HHLA1: variants seen among roughly 807,000 people sequenced by gnomAD.
HHLA1 encodes HHLA1 neighbor of OC90.
A neutral mutation model predicts 69.9 loss-of-function variants in HHLA1; 72 were observed. The observed-to-expected ratio is 1.03, with a 90% CI of 0.85 to 1.25. The LOEUF is 1.25. Among genes scored for constraint, HHLA1 ranks in the 50% most tolerant of loss-of-function variants. HHLA1 has a pLI of 0.00. For synonymous variants in HHLA1, 252 were observed against 233.2 expected (o/e 1.08, Z -0.73); for missense variants, 685 against 642.2 (o/e 1.07, Z -0.72).
chr8:132,071,223 C>T (rs1823535325), intron 15 of HHLA1, 117 bp downstream of exon 15: 1 of 828,122 alleles, frequency 1.2e-6, no homozygotes. Flanking sequence ...GAGGTAACCC[C>T]TACTGCCTGT....
chr8:132,061,765 T>G lies in HHLA1; in HGVS notation c.*2230A>C, dbSNP rs1464159661. 6.6e-6 allele frequency: 1 copy of G among 152,258 alleles called. No individual in the cohort carries two copies. The highest frequency in any genetic ancestry group is 2.4e-5 in the African/African-American group (1 of 41,444). The allele number at this position is 152,258 out of a possible 1,614,324, so 9.4% of individuals were successfully genotyped here. A position where few individuals can be genotyped will look rare whatever the true frequency, so the allele number is the denominator to read the frequency against. ...TGGACTCCAGGCAGTCGTCAGCCAC[T>G]CCTGGGCCCTGTTTTCCTTCTGCCT... On this transcript the variant is annotated 3_prime_UTR_variant, in exon 17 of 17. Coordinates refer to ENST00000414222, the MANE Select transcript of HHLA1 (RefSeq NM_001145095.3).
intron 7 of HHLA1, among the ~76,000 whole-genome samples, chr8:132,093,108 T>G (rs557919990): frequency 1.3e-5 from 2 of 152,326 alleles, no homozygotes; most frequent in East Asian, 3.9e-4. Context: ...ATGTCTACAC[T>G]GATGGGTAGA....
chr8:132,107,462 G>A (rs1013271498), intron 1 of HHLA1, among the ~76,000 whole-genome samples: 6 of 152,024 alleles, frequency 3.9e-5, no homozygotes, highest in Admixed American at 1.3e-4. Flanking sequence ...CATCATGCCC[G>A]GCTAATTTTT....
At chr8:132,090,353 C>A (rs775208769) in intron 7 of HHLA1, among the ~76,000 whole-genome samples, 4 of 152,162 alleles carry the variant, frequency 2.6e-5, no homozygotes, top group Non-Finnish European at 5.9e-5. Context: ...CCAGCAAATT[C>A]TTGACTTCTA....
chr8:132,069,733 G>C (rs1823498733), intron 15 of HHLA1: 1 of 151,886 alleles, frequency 6.6e-6, no homozygotes, highest in South Asian at 2.1e-4. Flanking sequence ...TTGTGTTTAT[G>C]ACCATTTCTT....
intron 3 of HHLA1, among the ~76,000 whole-genome samples, chr8:132,100,419 G>C (rs190400455): frequency 1.6e-3 from 248 of 152,226 alleles, no homozygotes; most frequent in Non-Finnish European, 2.3e-3. Flanking sequence ...GGAAAACTGA[G>C]GCCCAGAGAG....
chr8:132,075,206 G>T (rs1823614948), intron 14 of HHLA1, among the ~76,000 whole-genome samples: 1 of 152,190 alleles, frequency 6.6e-6, no homozygotes, highest in Non-Finnish European at 1.5e-5. Flanking sequence ...GATCTAAGGT[G>T]ACATGAAAAA....
At chr8:132,100,955 G>A (rs1165921859) in intron 3 of HHLA1, among the ~76,000 whole-genome samples, 3 of 152,190 alleles carry the variant, frequency 2.0e-5, no homozygotes, top group Admixed American at 2.0e-4. Context: ...TACCTGGATG[G>A]AGAAGGTGCA....
chr8:132,097,071 G>A (rs1824037433), intron 5 of HHLA1, among the ~76,000 whole-genome samples: 1 of 152,144 alleles, frequency 6.6e-6, no homozygotes, highest in Non-Finnish European at 1.5e-5. Context: ...CACCAGTGGT[G>A]CCCATTCCCC....
chr8:132,069,380 GT>G (rs1202375520), intron 15 of HHLA1, among the ~76,000 whole-genome samples: 1 of 151,716 alleles, frequency 6.6e-6, no homozygotes, highest in Admixed American at 6.6e-5. Context: ...TTGTTTGTTT[GT>G]TTTTTATCAC....
intron 7 of HHLA1, among the ~76,000 whole-genome samples, chr8:132,090,904 G>A (rs1003714983): frequency 4.0e-5 from 6 of 151,838 alleles, no homozygotes; most frequent in East Asian, 3.9e-4. Context: ...GACTACAGGC[G>A]CCCGCCAACA....
intron 15 of HHLA1, among the ~76,000 whole-genome samples, chr8:132,070,532 A>T (rs781157457): frequency 1.7e-4 from 26 of 152,230 alleles, no homozygotes; most frequent in Non-Finnish European, 3.4e-4. Flanking sequence ...TTAACTCAAC[A>T]CAACATATCT....
chr8:132,097,720 C>G (rs533866073), intron 5 of HHLA1, among the ~76,000 whole-genome samples: 12 of 152,316 alleles, frequency 7.9e-5, no homozygotes, highest in Non-Finnish European at 1.5e-4. Context: ...TCGTGCACCT[C>G]CCAAGGCAGC....
rs572713068 is a variant in HHLA1, at chr8:132,104,055, A to G, written c.139+53T>C. 249 of 1,293,042 alleles carry G rather than the reference A, an allele frequency of 1.9e-4. 2 individuals are homozygous for G. The South Asian group carries it at 2.0e-3, about 11-fold the overall frequency. 80.1% of individuals were successfully genotyped at this position (1,293,042 alleles called of 1,614,324 possible). A position where few individuals can be genotyped will look rare whatever the true frequency, so the allele number is the denominator to read the frequency against. ...GAGAAAGTCAGGCTTGGGGAAGTCA[A>G]GGAATTTGCCCAAGAACAGTGAGCT... On this transcript the variant is annotated intron_variant, in intron 3 of 16. Coordinates refer to ENST00000414222, the MANE Select transcript of HHLA1 (RefSeq NM_001145095.3).
At chr8:132,096,325 T>G (rs1171107893) in intron 5 of HHLA1, among the ~76,000 whole-genome samples, 5 of 152,230 alleles carry the variant, frequency 3.3e-5, no homozygotes, top group Admixed American at 6.5e-5. Context: ...AGGACCCTTG[T>G]GGTGGCATCC....
chr8:132,076,503 C>T lies in HHLA1; in HGVS notation c.1212G>A (p.Lys404=), dbSNP rs762164022. The T allele has an allele frequency of 2.3e-4, 332 of 1,441,542 alleles. No homozygotes were observed. The highest frequency in any genetic ancestry group is 2.7e-4 in the Non-Finnish European group (294 of 1,080,900). The allele number at this position is 1,441,542 out of a possible 1,614,324, so 89.3% of individuals were successfully genotyped here. A position where few individuals can be genotyped will look rare whatever the true frequency, so the allele number is the denominator to read the frequency against. Reference sequence around the variant, plus strand: ...TTTGTGGATATCTGGGGGCTGTTGCCTTGGTTGGACTCGGAGTCTGTGTGC... The same window carrying T: ...TTTGTGGATATCTGGGGGCTGTTGCTTTGGTTGGACTCGGAGTCTGTGTGC... ...THGTQTPSPT[K]ATAPRYPQTG... The change falls in exon 13 of 17, where the codon AAG becomes AAA. Residue 404 remains lysine (K), a synonymous_variant. Coordinates refer to ENST00000414222, the MANE Select transcript of HHLA1 (RefSeq NM_001145095.3).
chr8:132,083,739 G>T (rs1823804471), intron 10 of HHLA1, among the ~76,000 whole-genome samples: 1 of 152,210 alleles, frequency 6.6e-6, no homozygotes. Context: ...GGAACGCCTG[G>T]CCGCTGCGGT....
At chr8:132,102,587 G>A (rs1167231656) in intron 3 of HHLA1, among the ~76,000 whole-genome samples, 1 of 152,198 alleles carries the variant, frequency 6.6e-6, no homozygotes. Context: ...CTCTGCACCA[G>A]CTGCTATAAG....
At chr8:132,104,023 A>T (rs1336196472) in intron 3 of HHLA1, 85 bp downstream of exon 3, 1 of 865,762 alleles carries the variant, frequency 1.2e-6, no homozygotes, top group Admixed American at 2.0e-5. Context: ...TCGCTGTCTT[A>T]TCAGTAGAGA....
Sources: allele counts gnomAD v4.1 joint callset (sites outside exome capture counted in the v4.1 genomes callset), GRCh38; gene constraint gnomAD v4.1.1; transcripts MANE v1.5; gene names NCBI Gene and HGNC (gene_info 2026-07-23, HGNC 2026-07-21).